The following STK31 variants were observed in gnomAD, a reference collection of about 807,000 sequenced individuals.
STK31 encodes the protein serine/threonine-protein kinase 31.
STK31 carries 89 observed loss-of-function variants against 129.7 expected under a neutral mutation model. The ratio of observed to expected loss-of-function variants is 0.69; its 90% confidence interval spans 0.58 to 0.82. The LOEUF is 0.82. Ranked by LOEUF, STK31 falls within the 40% of genes least tolerant of loss-of-function variation. The pLI is 0.00. For missense variants in STK31, 1,187 were observed against 1,176.4 expected, an observed-to-expected ratio of 1.01 and a Z score of -0.13; for synonymous variants, 448 against 395.3, an observed-to-expected ratio of 1.13 and a Z score of -1.58.
Position 23,772,887 on chromosome 7 carries a change from A to G in STK31, c.1965+609A>G, listed in dbSNP as rs116255467. On this transcript the variant is annotated intron_variant, in intron 15 of 23. Transcript: ENST00000355870. ...AAGGATCTGTATTATGCCTTAATCC[A>G]ATTTGAATTATCTGTCTTCTACTTC... Among the ~76,000 whole-genome samples the G allele has an allele frequency of 3.7e-3, 565 of 152,262 alleles. 7 individuals are homozygous for G. The highest frequency in any genetic ancestry group is 0.013 in the African/African-American group (534 of 41,550).
intron 23 of STK31, among the ~76,000 whole-genome samples, chr7:23,824,145 G>T (rs1243345622): frequency 4.6e-5 from 7 of 152,162 alleles, no homozygotes; most frequent in Non-Finnish European, 1.5e-5. Context: ...AAAGTCATTG[G>T]TAGCTCGATG....
chr7:23,710,277 A>G lies in STK31; in HGVS notation c.-9A>G. ...TGTGCTACGGCGGGCGGAGGGCCGA[A>G]AGTCCAGTATGTGGGTCCAGGGTCA... On this transcript the variant is annotated 5_prime_UTR_variant, in exon 1 of 24. Transcript: ENST00000355870. 2 of 1,611,536 alleles carry G rather than the reference A, an allele frequency of 1.2e-6. No individual in the cohort carries two copies. Among genetic ancestry groups the G allele is most frequent in the Non-Finnish European group, 1.7e-6 (2 of 1,179,824 alleles).
intron 15 of STK31, among the ~76,000 whole-genome samples, chr7:23,774,591 T>C (rs1790419654): frequency 6.6e-6 from 1 of 152,240 alleles, no homozygotes; most frequent in South Asian, 2.1e-4. Context: ...TTTTGAGAAG[T>C]GTCTGTTCAT....
intron 23 of STK31, 118 bp downstream of exon 23, chr7:23,815,330 A>G (rs1793405182): frequency 4.2e-6 from 3 of 720,328 alleles, no homozygotes; most frequent in South Asian, 2.7e-5. Flanking sequence ...TTTGCAATAA[A>G]TGAAGTATTG....
At chr7:23,734,159 C>T (rs954856886) in intron 6 of STK31, among the ~76,000 whole-genome samples, 2 of 152,028 alleles carry the variant, frequency 1.3e-5, no homozygotes, top group African/African-American at 4.8e-5. Context: ...GTATGATGTC[C>T]TGTTCGGTTT....
chr7:23,771,022 CAAG>C lies in STK31; in HGVS notation c.1732_1734del (p.Lys578del), dbSNP rs768711881. 2.4e-5 allele frequency: 38 copies of C among 1,610,520 alleles called. No homozygotes were observed. Among genetic ancestry groups the C allele is most frequent in the Middle Eastern group, 1.7e-4 (1 of 6,058 alleles). On this transcript the variant is annotated inframe_deletion, in exon 14 of 24. Transcript: ENST00000355870. ...TCATTTAGGATCAAGGTGATGCAGA[CAAG>C]GAGATAATTTCAAATACATATAGTC...
At chr7:23,782,603 A>G (rs1791008046) in intron 16 of STK31, among the ~76,000 whole-genome samples, 1 of 152,206 alleles carries the variant, frequency 6.6e-6, no homozygotes, top group South Asian at 2.1e-4. Flanking sequence ...ACCTTGGGTT[A>G]AAATAGCGAT....
intron 3 of STK31, among the ~76,000 whole-genome samples, chr7:23,716,667 G>A (rs1383398267): frequency 6.6e-6 from 1 of 151,866 alleles, no homozygotes; most frequent in Non-Finnish European, 1.5e-5. Flanking sequence ...TTATTCCGTG[G>A]GTTATAATCC....
At chr7:23,779,835 G>C (rs559195625) in intron 15 of STK31, among the ~76,000 whole-genome samples, 1 of 152,290 alleles carries the variant, frequency 6.6e-6, no homozygotes, top group East Asian at 1.9e-4. Context: ...CCTCTTTTCA[G>C]GGGAGTCAAC....
intron 4 of STK31, among the ~76,000 whole-genome samples, chr7:23,725,372 CAAAAAAAAAAAAA>C (rs57280021): frequency 8.1e-4 from 47 of 57,760 alleles, no homozygotes; most frequent in African/African-American, 3.1e-3. Context: ...CCTGTTTCTA[CAAAAAAAAAAAAA>C]AAAAAAAAAA....
At chr7:23,799,627 A>G (rs754996276) in intron 22 of STK31, among the ~76,000 whole-genome samples, 24 of 152,354 alleles carry the variant, frequency 1.6e-4, no homozygotes, top group African/African-American at 5.5e-4. Context: ...ACCTAAAACC[A>G]TAAAAGCCCT....
intron 8 of STK31, among the ~76,000 whole-genome samples, chr7:23,738,123 G>A (rs935918720): frequency 2.0e-5 from 3 of 152,102 alleles, no homozygotes; most frequent in African/African-American, 4.8e-5. Context: ...TAAATTCGGG[G>A]TTTCCCATGA....
At chr7:23,750,602 A>T (rs1017971263) in intron 8 of STK31, among the ~76,000 whole-genome samples, 1 of 152,218 alleles carries the variant, frequency 6.6e-6, no homozygotes, top group African/African-American at 2.4e-5. Flanking sequence ...CAAACCACAA[A>T]TTTTGATATG....
At chr7:23,798,888 T>A (rs1792184474) in intron 22 of STK31, among the ~76,000 whole-genome samples, 1 of 152,190 alleles carries the variant, frequency 6.6e-6, no homozygotes, top group Non-Finnish European at 1.5e-5. Context: ...GATAAGCAAC[T>A]TCAGCAAAGT....
chr7:23,738,097 A>G (rs1213562943), intron 8 of STK31, among the ~76,000 whole-genome samples: 2 of 152,164 alleles, frequency 1.3e-5, no homozygotes, highest in African/African-American at 4.8e-5. Context: ...CTACTTGCAT[A>G]TCTACCCCCC....
intron 12 of STK31, 44 bp from the exon 13 acceptor site, chr7:23,769,596 T>G (rs954501438): frequency 3.1e-6 from 4 of 1,309,916 alleles, no homozygotes; most frequent in Non-Finnish European, 4.4e-6. Context: ...TGAATGCTGA[T>G]TGAATTAAAT....
chr7:23,801,781 A>G (rs1464406992), intron 22 of STK31, among the ~76,000 whole-genome samples: 1 of 143,848 alleles, frequency 7.0e-6, no homozygotes, highest in African/African-American at 2.6e-5. Context: ...TTACAACACC[A>G]TTTTTTTAAG....
At chr7:23,777,635 T>C (rs1221690741) in intron 15 of STK31, among the ~76,000 whole-genome samples, 1 of 152,164 alleles carries the variant, frequency 6.6e-6, no homozygotes, top group Non-Finnish European at 1.5e-5. Flanking sequence ...AAGTCTGTTT[T>C]ATCAGATACC....
In STK31 at chr7:23,721,871, T is replaced by C. The variant is rs192597653; in HGVS notation, c.249+4292T>C. The C allele has an allele frequency of 5.9e-4, 266 of 452,774 alleles. No homozygotes were observed. In the Middle Eastern group the frequency reaches 6.1e-3, roughly 10 times the overall value. The allele number at this position is 452,774 out of a possible 1,614,324, so 28.0% of individuals were successfully genotyped here. On this transcript the variant is annotated intron_variant, in intron 4 of 23. Coordinates refer to ENST00000355870, the MANE Select transcript of STK31 (RefSeq NM_031414.5). The stretch of plus-strand genomic sequence containing the variant: ...CTTTCTTCCACTTGATCAAATCAGC[T>C]ACTGAAGCTTGTGCATGCGTCACGT...
Sources: allele counts gnomAD v4.1 joint callset (sites outside exome capture counted in the v4.1 genomes callset), GRCh38; gene constraint gnomAD v4.1.1; transcripts MANE v1.5; gene names NCBI Gene and HGNC (gene_info 2026-07-23, HGNC 2026-07-21).